PCDH15: variants seen among roughly 807,000 people sequenced by gnomAD.
PCDH15 encodes the protein protocadherin related 15, also known as protocadherin-15.
Under a neutral mutation model 178.5 loss-of-function variants are expected in PCDH15, and 129 were observed. The observed-to-expected ratio is 0.72, with a 90% CI of 0.63 to 0.84. The LOEUF (loss-of-function observed/expected upper bound fraction) is 0.84, where lower values mean the gene tolerates loss of function less well. PCDH15 is among the 40% of genes least tolerant of loss of function. The pLI is 0.00. For missense variants in PCDH15, 2,230 were observed against 2,099.9 expected (o/e 1.06, Z -1.21); for synonymous variants, 800 against 732.0 (o/e 1.09, Z -1.50).
chr10:54,961,928 A>G (rs1344983386), intron 2 of PCDH15, among the ~76,000 whole-genome samples: 1 of 152,092 alleles, frequency 6.6e-6, no homozygotes. Context: ...TGAGTTGCCC[A>G]CTTTGGGTCT....
intron 2 of PCDH15, among the ~76,000 whole-genome samples, chr10:54,937,936 A>T (rs1837947556): frequency 6.6e-6 from 1 of 152,058 alleles, no homozygotes; most frequent in Non-Finnish European, 1.5e-5. Flanking sequence ...CTTAGGGGAA[A>T]ACATTTAGTC....
At chr10:55,379,682 C>T (rs1365943403) in intron 2 of PCDH15, among the ~76,000 whole-genome samples, 5 of 151,962 alleles carry the variant, frequency 3.3e-5, no homozygotes, top group African/African-American at 4.8e-5. Flanking sequence ...ACCTCAAATA[C>T]TATATTTACC....
At chr10:54,748,639 C>CT (rs1945789556) in intron 1 of PCDH15, among the ~76,000 whole-genome samples, 1 of 152,036 alleles carries the variant, frequency 6.6e-6, no homozygotes, top group Non-Finnish European at 1.5e-5. Flanking sequence ...GTAAAGTGTG[C>CT]GAAAAAAGGG....
chr10:54,364,567 A>T (rs1174041081), intron 5 of PCDH15, among the ~76,000 whole-genome samples: 1 of 152,184 alleles, frequency 6.6e-6, no homozygotes, highest in Admixed American at 6.6e-5. Flanking sequence ...AAAATACATC[A>T]GGTCAATTTC....
chr10:55,283,777 T>G (rs891374967), intron 1 of PCDH15, among the ~76,000 whole-genome samples: 1 of 151,942 alleles, frequency 6.6e-6, no homozygotes, highest in Non-Finnish European at 1.5e-5. Flanking sequence ...TATGTTTGCC[T>G]TCTAATAGTC....
chr10:54,851,477 G>C (rs1045203753), intron 3 of PCDH15, among the ~76,000 whole-genome samples: 1 of 152,092 alleles, frequency 6.6e-6, no homozygotes, highest in Non-Finnish European at 1.5e-5. Context: ...TATGGAAACT[G>C]TCTTCAGAGA....
intron 9 of PCDH15, among the ~76,000 whole-genome samples, chr10:54,223,291 C>T (rs968727896): frequency 3.3e-5 from 1 of 29,910 alleles, no homozygotes; most frequent in Non-Finnish European, 6.2e-5. Flanking sequence ...GCCTGGGCAA[C>T]AAAACTACGT....
At chr10:54,716,493 T>G (rs1281507055) in intron 1 of PCDH15, among the ~76,000 whole-genome samples, 1 of 152,148 alleles carries the variant, frequency 6.6e-6, no homozygotes, top group African/African-American at 2.4e-5. Context: ...GTAAGGTGGA[T>G]TCCTAGCTAT....
In PCDH15 at chr10:53,857,817, T is replaced by G. The variant is rs143700904; in HGVS notation, c.3718-554A>C. Among the ~76,000 whole-genome samples the G allele has an allele frequency of 8.0e-3, 1,216 of 152,196 alleles. 18 individuals are homozygous for G. Among genetic ancestry groups the G allele is most frequent in the African/African-American group, 0.028 (1,144 of 41,556 alleles). On this transcript the variant is annotated intron_variant, in intron 27 of 37. Coordinates refer to ENST00000644397, the MANE Select transcript of PCDH15 (RefSeq NM_001384140.1). ...TTAAATGAGCTAATTTAATGGCTGT[T>G]GATAACTATGTATCATTCATTTAAA...
chr10:54,272,993 T>C (rs1331566230), intron 8 of PCDH15, among the ~76,000 whole-genome samples: 4 of 152,138 alleles, frequency 2.6e-5, no homozygotes, highest in African/African-American at 7.2e-5. Flanking sequence ...GTTCTGATTA[T>C]GTTACATAAT....
At chr10:55,624,223 A>T (rs1218195907) in intron 2 of PCDH15, among the ~76,000 whole-genome samples, 1 of 151,994 alleles carries the variant, frequency 6.6e-6, no homozygotes, top group Non-Finnish European at 1.5e-5. Flanking sequence ...CGAGAATTAA[A>T]CTAGTTTCCT....
chr10:53,992,386 CA>C (rs1294031749), intron 21 of PCDH15, among the ~76,000 whole-genome samples: 1 of 152,066 alleles, frequency 6.6e-6, no homozygotes, highest in African/African-American at 2.4e-5. Flanking sequence ...GTTTCGGAGA[CA>C]ATATTAAACA....
rs184990492 is a variant in PCDH15, at chr10:55,617,431, G to A, written c.-156+10194C>T. Among the ~76,000 whole-genome samples, 235 of 152,170 alleles carry A rather than the reference G, an allele frequency of 1.5e-3. 1 individual carries two copies. The highest frequency in any genetic ancestry group is 4.8e-3 in the Admixed American group (73 of 15,280). On this transcript the variant is annotated intron_variant, in intron 2 of 5. Transcript: ENST00000613346. Reference sequence around the variant, plus strand: ...TGTGTTTGTGAAAGGTCAATAACATGCTTATATTTTTGCTGTTGAAAAACT... The same window carrying A: ...TGTGTTTGTGAAAGGTCAATAACATACTTATATTTTTGCTGTTGAAAAACT...
At chr10:53,853,248 A>G (rs977641947) in intron 28 of PCDH15, among the ~76,000 whole-genome samples, 4 of 152,060 alleles carry the variant, frequency 2.6e-5, no homozygotes, top group African/African-American at 9.7e-5. Flanking sequence ...CTTATCTTAC[A>G]CCATATACAA....
chr10:54,883,983 C>T (rs975955654), intron 3 of PCDH15, among the ~76,000 whole-genome samples: 1 of 151,840 alleles, frequency 6.6e-6, no homozygotes, highest in Admixed American at 6.6e-5. Context: ...TTGGAGATAA[C>T]ATATTTATAA....
intron 3 of PCDH15, among the ~76,000 whole-genome samples, chr10:54,396,309 T>A (rs1951214739): frequency 6.6e-6 from 1 of 152,168 alleles, no homozygotes; most frequent in Admixed American, 6.6e-5. Context: ...CTGTTCTTTG[T>A]TGAACAATGC....
chr10:55,189,634 A>G (rs1398367698), intron 1 of PCDH15, among the ~76,000 whole-genome samples: 1 of 151,840 alleles, frequency 6.6e-6, no homozygotes, highest in Non-Finnish European at 1.5e-5. Context: ...CTATATTCAA[A>G]TCTCAACTCT....
At chr10:55,564,981 T>TA (rs990695885) in intron 2 of PCDH15, among the ~76,000 whole-genome samples, 7 of 151,442 alleles carry the variant, frequency 4.6e-5, no homozygotes, top group African/African-American at 1.2e-4. Flanking sequence ...ATAGAGGACT[T>TA]AAAAAACACA....
chr10:55,605,676 G>T (rs77604688), intron 2 of PCDH15, among the ~76,000 whole-genome samples: 2 of 127,876 alleles, frequency 1.6e-5, no homozygotes, highest in African/African-American at 3.1e-5. Context: ...TGCAGAAAAG[G>T]CCTTTGACAA....
Sources: gnomAD v4.1 joint callset for allele counts (sites outside exome capture counted in the v4.1 genomes callset) on GRCh38, gnomAD v4.1.1 for gene constraint, MANE v1.5 for transcripts, NCBI Gene and HGNC (gene_info 2026-07-23, HGNC 2026-07-21) for gene names.